LPIN1: variants seen among roughly 807,000 people sequenced by gnomAD.
LPIN1 encodes phosphatidate phosphatase LPIN1.
LPIN1 carries 71 observed loss-of-function variants against 107.5 expected under a neutral mutation model. The observed-to-expected ratio is 0.66, with a 90% CI of 0.55 to 0.80. LPIN1 has a LOEUF of 0.80. Ranked by LOEUF, LPIN1 falls within the 30% of genes least tolerant of loss-of-function variation. LPIN1 has a pLI of 0.00. For synonymous variants in LPIN1, 445 were observed against 452.6 expected (o/e 0.98, Z 0.21); for missense variants, 1,043 against 1,160.6 (o/e 0.90, Z 1.47).
chr2:11,785,085 G>A lies in LPIN1; in HGVS notation c.1549+9G>A, dbSNP rs2148661450. The A allele has an allele frequency of 1.3e-6, 2 of 1,543,388 alleles. No homozygotes were observed. Among genetic ancestry groups the A allele is most frequent in the South Asian group, 2.4e-5 (2 of 83,880 alleles). On this transcript the variant is annotated intron_variant, in intron 10 of 20. Coordinates refer to ENST00000674199, the MANE Select transcript of LPIN1 (RefSeq NM_001349206.2). ...CCGGGAGATCACGAAAGGTACCGCG[G>A]GCCTCGCGCGGGCGCCCTCTGGTGG...
chr2:11,804,657 C>A, intron 16 of LPIN1, 86 bp downstream of exon 16: 2 of 1,399,448 alleles, frequency 1.4e-6, no homozygotes, highest in South Asian at 1.2e-5. Context: ...CCTCTGCTCT[C>A]CTCATGGGAC....
At chr2:11,772,544 G>C (rs1416259029) in intron 4 of LPIN1, among the ~76,000 whole-genome samples, 1 of 152,222 alleles carries the variant, frequency 6.6e-6, no homozygotes, top group East Asian at 1.9e-4. Context: ...GGCAAGGGCT[G>C]ATTTCAGGCT....
At chr2:11,806,471 C>T (rs547477097) in intron 17 of LPIN1, among the ~76,000 whole-genome samples, 224 of 152,126 alleles carry the variant, frequency 1.5e-3, no homozygotes, top group Non-Finnish European at 2.8e-3. Flanking sequence ...GGGCACATGT[C>T]GATAGTCCCA....
intron 13 of LPIN1, among the ~76,000 whole-genome samples, chr2:11,794,475 C>T (rs936889010): frequency 1.3e-5 from 2 of 152,058 alleles, no homozygotes; most frequent in African/African-American, 4.8e-5. Flanking sequence ...TAAAACATAA[C>T]TGGACATATT....
At chr2:11,714,679 G>A (rs12616402) in intron 2 of LPIN1, among the ~76,000 whole-genome samples, 75,529 of 151,610 alleles carry the variant, frequency 0.5, 19,406 homozygotes, top group South Asian at 0.62. Flanking sequence ...GTGTGGATAG[G>A]GAGGTTCCAG....
intron 20 of LPIN1, among the ~76,000 whole-genome samples, chr2:11,821,666 A>G (rs1449105129): frequency 1.3e-5 from 2 of 152,190 alleles, no homozygotes; most frequent in Non-Finnish European, 2.9e-5. Flanking sequence ...AGATAGAGAG[A>G]TAAGTTCTCT....
chr2:11,720,233 G>A (rs1317184197), upstream of LPIN1, among the ~76,000 whole-genome samples: 1 of 151,986 alleles, frequency 6.6e-6, no homozygotes, highest in Non-Finnish European at 1.5e-5. Flanking sequence ...TTTAATTATA[G>A]TTTATTATTT....
chr2:11,784,672 A>G (rs1045410508), intron 9 of LPIN1: 6 of 632,852 alleles, frequency 9.5e-6, no homozygotes, highest in African/African-American at 1.8e-5. Flanking sequence ...GGATACAGGG[A>G]GATGCAGCCA....
At chr2:11,812,854 G>A (rs546833248) in intron 17 of LPIN1, among the ~76,000 whole-genome samples, 19 of 152,288 alleles carry the variant, frequency 1.2e-4, no homozygotes, top group Admixed American at 3.9e-4. Flanking sequence ...CAAGATTGTC[G>A]CAGCAACGGA....
chr2:11,759,722 G>A (rs1479992168), intron 1 of LPIN1, among the ~76,000 whole-genome samples: 9 of 152,256 alleles, frequency 5.9e-5, no homozygotes, highest in Admixed American at 2.6e-4. Flanking sequence ...GGTGGCGGCC[G>A]GGCAGAGGGG....
At chr2:11,748,631 G>C (rs538318766) in intron 1 of LPIN1, among the ~76,000 whole-genome samples, 2 of 152,300 alleles carry the variant, frequency 1.3e-5, no homozygotes, top group Admixed American at 1.3e-4. Flanking sequence ...GGCTGACGCC[G>C]GCCTCTGCTC....
intron 1 of LPIN1, among the ~76,000 whole-genome samples, chr2:11,754,649 A>C (rs896721634): frequency 1.4e-4 from 22 of 152,130 alleles, no homozygotes; most frequent in Non-Finnish European, 2.4e-4. Flanking sequence ...TGACAATAAT[A>C]AGATTTTGCA....
chr2:11,694,289 A>G (rs1370372619), intron 1 of LPIN1, among the ~76,000 whole-genome samples: 2 of 152,204 alleles, frequency 1.3e-5, no homozygotes, highest in Non-Finnish European at 2.9e-5. Context: ...AACTAAGGTG[A>G]GGTTTAGGTT....
rs1010171157 is a variant in LPIN1 at position 11,697,502 on chromosome 2, G to A, written c.82-16254G>A. Reference sequence around the variant, plus strand: ...AAGCTGGAAGTCTGCCCGAATCTGTGCGTCGTGTCTTGGGAATTCATCCCT... The same window carrying A: ...AAGCTGGAAGTCTGCCCGAATCTGTACGTCGTGTCTTGGGAATTCATCCCT... On this transcript the variant is annotated intron_variant, in intron 1 of 21. Coordinates refer to the LPIN1 transcript ENST00000449576. This position sits in a 1 kb window ranked among gnomAD's most constrained non-coding sequence, Gnocchi z 4.6. Among the ~76,000 whole-genome samples, 1 of 152,230 alleles carries A rather than the reference G, an allele frequency of 6.6e-6. No individual in the cohort carries two copies. The highest frequency in any genetic ancestry group is 1.5e-5 in the Non-Finnish European group (1 of 68,048).
At chr2:11,782,577 C>T in intron 8 of LPIN1, 70 bp downstream of exon 8, 2 of 1,572,860 alleles carry the variant, frequency 1.3e-6, no homozygotes, top group East Asian at 2.2e-5. Flanking sequence ...ATGACAGGTC[C>T]TTTCCAAAGT....
chr2:11,779,388 A>G, intron 6 of LPIN1, 131 bp from the exon 7 acceptor site: 3 of 999,030 alleles, frequency 3.0e-6, no homozygotes, highest in Non-Finnish European at 4.6e-6. Context: ...GGGATTTGTC[A>G]TGAGGCTCCG....
intron 9 of LPIN1, 120 bp downstream of exon 9, chr2:11,784,042 C>A: frequency 6.5e-7 from 1 of 1,539,820 alleles, no homozygotes; most frequent in Non-Finnish European, 8.8e-7. Flanking sequence ...CGGTGGCTCA[C>A]GCCTGTAATC....
Position 11,805,083 on chromosome 2 carries a change from G to C in LPIN1, c.2176G>C (p.Gly726Arg), listed in dbSNP as rs1470763197. 1 of 1,609,932 alleles carries C rather than the reference G, an allele frequency of 6.2e-7. No homozygotes were observed. Among genetic ancestry groups the C allele is most frequent in the Admixed American group, 1.7e-5 (1 of 59,850 alleles). The change falls in exon 17 of 21, where the codon GGC becomes CGC. Residue 726 changes from glycine to arginine, a missense_variant. Coordinates refer to ENST00000674199, the MANE Select transcript of LPIN1 (RefSeq NM_001349206.2). ...CTCTTCATTTAGATCAGATACTCTT[G>C]GCCACATTTTGCCCACCCTTGGGAA... Reference protein sequence around the residue: ...DGTITRSDTLGHILPTLGKDW... With the variant: ...DGTITRSDTLRHILPTLGKDW...
intron 1 of LPIN1, among the ~76,000 whole-genome samples, chr2:11,706,060 AC>A (rs1262724466): frequency 6.6e-6 from 1 of 152,218 alleles, no homozygotes; most frequent in Non-Finnish European, 1.5e-5. Context: ...GTCGCCATCC[AC>A]TTAAGATGTG....
Sources: gnomAD v4.1 joint callset for allele counts (sites outside exome capture counted in the v4.1 genomes callset) on GRCh38, gnomAD v4.1.1 for gene constraint, Gnocchi (gnomAD v3.1) non-coding constraint, MANE v1.5 for transcripts, NCBI Gene and HGNC (gene_info 2026-07-23, HGNC 2026-07-21) for gene names.